ELF2: variants seen among roughly 807,000 people sequenced by gnomAD.
The protein encoded by ELF2 is ETS-related transcription factor Elf-2.
A neutral mutation model predicts 54.8 loss-of-function variants in ELF2; 11 were observed. The observed-to-expected ratio is 0.20, with a 90% CI of 0.13 to 0.33. ELF2 has a LOEUF of 0.33. Among genes scored for constraint, ELF2 ranks in the 10% least tolerant of loss-of-function variants. The pLI is 1.00. For missense variants in ELF2, 513 were observed against 703.0 expected (o/e 0.73, Z 3.06); for synonymous variants, 203 against 245.1 (o/e 0.83, Z 1.61).
rs950641962 is a variant in ELF2 at position 139,125,438 on chromosome 4, A to T, written c.73-109T>A. The T allele has an allele frequency of 1.5e-5, 18 of 1,239,670 alleles. No individual in the cohort carries two copies. The African/African-American group carries it at 1.7e-4, about 12-fold the overall frequency. The allele number at this position is 1,239,670 out of a possible 1,614,324, so 76.8% of individuals were successfully genotyped here. On this transcript the variant is annotated intron_variant, in intron 3 of 9. Coordinates refer to ENST00000686138, the MANE Select transcript of ELF2 (RefSeq NM_001331036.3). ...TCGAGCAGTCCACATAATGAGTTTC[A>T]AATATTATAAATATGAATGTAAAAG...
intron 4 of ELF2, among the ~76,000 whole-genome samples, chr4:139,096,625 C>CTTTTTTTT (rs551057884): frequency 7.9e-6 from 1 of 127,026 alleles, no homozygotes; most frequent in African/African-American, 2.9e-5. Flanking sequence ...CCATACCAAG[C>CTTTTTTTT]TTTTTTTTTT....
At chr4:139,177,870 C>T (rs1743136960), upstream of ELF2, among the ~76,000 whole-genome samples, 1 of 152,152 alleles carries the variant, frequency 6.6e-6, no homozygotes, top group Non-Finnish European at 1.5e-5. Flanking sequence ...AACTCCTAGC[C>T]CGGTCTTTCC....
Position 139,059,033 on chromosome 4 carries a change from C to G in ELF2, c.1732G>C (p.Ala578Pro). ...VVVVSAPSAI[A>P]LPVTMKTEGL... is the part of the protein sequence containing the mutation. The stretch of plus-strand genomic sequence containing the variant: ...TCTGTTTTCATAGTTACAGGAAGGG[C>G]AATAGCTGAAGGCGCACTGACAACC... Residue 578 changes from alanine (A) to proline (P), a missense_variant, in exon 10 of 10, where the codon GCC becomes CCC. Around this residue, in one of 3 missense-constraint regions of ELF2, gnomAD observed 291 missense variants for 366.1 expected, o/e 0.79. Transcript: ENST00000686138. 1 of 1,613,772 alleles carries G rather than the reference C, an allele frequency of 6.2e-7. No individual in the cohort carries two copies. The highest frequency in any genetic ancestry group is 1.3e-5 in the African/African-American group (1 of 75,016).
intron 4 of ELF2, chr4:139,115,077 C>A (rs1735496147): frequency 3.7e-6 from 6 of 1,613,970 alleles, no homozygotes; most frequent in Non-Finnish European, 5.1e-6. Context: ...TGTCCAGGAG[C>A]TCATCCACGT....
At chr4:139,151,645 AG>A (rs1740011753) in intron 1 of ELF2, among the ~76,000 whole-genome samples, 1 of 152,234 alleles carries the variant, frequency 6.6e-6, no homozygotes, top group Non-Finnish European at 1.5e-5. Flanking sequence ...TCATGAATCA[AG>A]GATTTAAAAG....
In ELF2 at chr4:139,137,667, A is replaced by G. The variant is rs1243958956; in HGVS notation, c.35T>C (p.Ile12Thr). ...TACTCCATTGCTGGAAAGCTCCAAA[A>G]TAGTACCTCCACTGTCAACCACTGC... ...TSAVVDSGGT[I>T]LELSSNGVEN... Residue 12 changes from isoleucine to threonine, a missense_variant, in exon 3 of 10, where the codon ATT becomes ACT. By Grantham distance (89) the Ile-to-Thr change is moderately conservative. Coordinates refer to ENST00000686138, the MANE Select transcript of ELF2 (RefSeq NM_001331036.3). 2 of 1,613,976 alleles carry G rather than the reference A, an allele frequency of 1.2e-6. No individual in the cohort carries two copies. Among genetic ancestry groups the G allele is most frequent in the African/African-American group, 1.3e-5 (1 of 74,948 alleles).
chr4:139,143,652 G>A (rs1226901634), intron 1 of ELF2, among the ~76,000 whole-genome samples: 3 of 152,266 alleles, frequency 2.0e-5, no homozygotes, highest in African/African-American at 7.2e-5. Flanking sequence ...CAGCGTGGTG[G>A]CAGGCGCCTG....
chr4:139,128,269 C>G (rs1042278435), intron 3 of ELF2, among the ~76,000 whole-genome samples: 7 of 74,704 alleles, frequency 9.4e-5, no homozygotes, highest in Admixed American at 4.0e-4. Flanking sequence ...GAACAAGTCT[C>G]AAAAATTAAA....
upstream of ELF2, chr4:139,177,337 A>C (rs978976220): frequency 7.9e-6 from 1 of 127,178 alleles, no homozygotes; most frequent in African/African-American, 2.9e-5. Context: ...CCTCCCCGCC[A>C]GCTCAGAGTG....
rs573994078 is a variant in ELF2 at position 139,116,562 on chromosome 4, T to C, written c.238+8602A>G. 3 of 646,014 alleles carry C rather than the reference T, an allele frequency of 4.6e-6. 1 individual carries two copies. The East Asian group carries it at 4.1e-4, about 89-fold the overall frequency. The allele number at this position is 646,014 out of a possible 1,614,324, so 40.0% of individuals were successfully genotyped here. A position where few individuals can be genotyped will look rare whatever the true frequency, so the allele number is the denominator to read the frequency against. ...TTAAGGAGGAATCATTGTCACCCTTTAAACAAAAATATGGTAAAGGTAGAT... is the reference window on the plus strand; with the variant it reads ...TTAAGGAGGAATCATTGTCACCCTTCAAACAAAAATATGGTAAAGGTAGAT... On this transcript the variant is annotated intron_variant, in intron 4 of 9. Coordinates refer to ENST00000686138, the MANE Select transcript of ELF2 (RefSeq NM_001331036.3).
intron 1 of ELF2, among the ~76,000 whole-genome samples, chr4:139,173,757 C>CA (rs1195159962): frequency 0.023 from 1,071 of 46,984 alleles, 8 homozygotes; most frequent in South Asian, 0.06. Flanking sequence ...GACTCCGTCT[C>CA]AAAAAAAAAA....
At chr4:139,177,822 G>A (rs1299736225), upstream of ELF2, among the ~76,000 whole-genome samples, 1 of 152,198 alleles carries the variant, frequency 6.6e-6, no homozygotes, top group East Asian at 1.9e-4. Context: ...CCCACAGTCG[G>A]GCAGTCTGAC....
chr4:139,090,133 T>C (rs1273579743), intron 4 of ELF2, among the ~76,000 whole-genome samples: 1 of 152,198 alleles, frequency 6.6e-6, no homozygotes, highest in East Asian at 1.9e-4. Context: ...CCAGCCATCT[T>C]GCCCAAGGTA....
chr4:139,129,228 AC>A (rs919833904), intron 3 of ELF2, among the ~76,000 whole-genome samples: 3 of 151,940 alleles, frequency 2.0e-5, no homozygotes, highest in East Asian at 3.9e-4. Context: ...ATGAGCGACT[AC>A]CCCCGGCCTA....
chr4:139,153,827 A>G (rs1014392544), intron 1 of ELF2, among the ~76,000 whole-genome samples: 3 of 152,240 alleles, frequency 2.0e-5, no homozygotes, highest in African/African-American at 7.2e-5. Context: ...TGTAAAATGC[A>G]GATTCATAGA....
rs139945901 is a variant in ELF2, at chr4:139,063,823, T to C, written c.614-1766A>G. Among the ~76,000 whole-genome samples, 20 of 151,802 alleles carry C rather than the reference T, an allele frequency of 1.3e-4. No homozygotes were observed. The East Asian group carries it at 3.7e-3, about 28-fold the overall frequency. The stretch of plus-strand genomic sequence containing the variant: ...GAAGTCTTGGAAGATGGCTAGGATG[T>C]GCATAAAAGAACAAAAAGGAATCTG... On this transcript the variant is annotated intron_variant, in intron 7 of 9. Coordinates refer to ENST00000686138, the MANE Select transcript of ELF2 (RefSeq NM_001331036.3).
intron 1 of ELF2, among the ~76,000 whole-genome samples, chr4:139,163,116 A>T (rs956517805): frequency 6.6e-6 from 1 of 152,138 alleles, no homozygotes; most frequent in African/African-American, 2.4e-5. Context: ...AAAATATATA[A>T]AATACTGATA....
rs538515784 is a variant in ELF2, at chr4:139,172,537, T to G, written c.-252+4430A>C. Among the ~76,000 whole-genome samples, 15 of 152,174 alleles carry G rather than the reference T, an allele frequency of 9.9e-5. No homozygotes were observed. The South Asian group carries it at 3.1e-3, about 32-fold the overall frequency. On this transcript the variant is annotated intron_variant, in intron 1 of 9. Coordinates refer to ENST00000686138, the MANE Select transcript of ELF2 (RefSeq NM_001331036.3). ...TAGTGCTAGTAACCCTTATTTTACTTAACAATGGCTCAAACACTCAAGAGT... is the reference window on the plus strand; with the variant it reads ...TAGTGCTAGTAACCCTTATTTTACTGAACAATGGCTCAAACACTCAAGAGT...
At chr4:139,121,095 A>ATTTTTTTTTTTTTTTTT (rs10711256) in intron 4 of ELF2, among the ~76,000 whole-genome samples, 1 of 65,066 alleles carries the variant, frequency 1.5e-5, no homozygotes, top group African/African-American at 7.7e-5. Context: ...TATAACACAG[A>ATTTTTTTTTTTTTTTTT]TTTTTTTTTT....
Sources: allele counts gnomAD v4.1 joint callset (sites outside exome capture counted in the v4.1 genomes callset), GRCh38; gene constraint gnomAD v4.1.1; regional missense constraint gnomAD v4.1.1; transcripts MANE v1.5; gene names NCBI Gene and HGNC (gene_info 2026-07-23, HGNC 2026-07-21).